The following FAM91A1 variants were observed in gnomAD, a reference collection of about 807,000 sequenced individuals.
FAM91A1 encodes protein FAM91A1.
FAM91A1 carries 41 observed loss-of-function variants against 113.5 expected under a neutral mutation model. The ratio of observed to expected loss-of-function variants is 0.36; its 90% CI spans 0.28 to 0.47. The LOEUF (loss-of-function observed/expected upper bound fraction) is 0.47. Ranked by LOEUF, FAM91A1 falls within the 20% of genes least tolerant of loss-of-function variation. FAM91A1 has a pLI of 1.00. For synonymous variants in FAM91A1, 307 were observed against 347.9 expected, an observed-to-expected ratio of 0.88 and a Z score of 1.31; for missense variants, 696 against 1,001.2, an observed-to-expected ratio of 0.70 and a Z score of 4.11.
At chr8:123,786,002 A>G (rs368720148) in intron 11 of FAM91A1, 4 of 437,544 alleles carry the variant, frequency 9.1e-6, no homozygotes, top group East Asian at 7.4e-5. Flanking sequence ...TGTTTCTGTT[A>G]GAGGTGGGGT....
chr8:123,789,552 A>G, intron 14 of FAM91A1, 61 bp from the exon 15 acceptor site: 1 of 1,605,354 alleles, frequency 6.2e-7, no homozygotes, highest in Non-Finnish European at 8.5e-7. Context: ...TTATATGATT[A>G]TTAGAGTGAA....
chr8:123,777,209 CAT>C, intron 3 of FAM91A1, 54 bp from the exon 4 acceptor site: 1 of 1,154,676 alleles, frequency 8.7e-7, no homozygotes, highest in African/African-American at 1.6e-5. Flanking sequence ...TATTTATACA[CAT>C]TTTTATTTAA....
intron 14 of FAM91A1, chr8:123,788,383 T>C (rs1231389879): frequency 9.9e-6 from 4 of 402,962 alleles, no homozygotes; most frequent in Non-Finnish European, 1.3e-5. Context: ...CCTTGACTAA[T>C]ACTTTTCGTG....
intron 1 of FAM91A1, among the ~76,000 whole-genome samples, chr8:123,771,784 G>A (rs1814846274): frequency 6.6e-6 from 1 of 152,192 alleles, no homozygotes; most frequent in African/African-American, 2.4e-5. Context: ...ATTGGAGTCT[G>A]TAGGAGCAAA....
intron 15 of FAM91A1, among the ~76,000 whole-genome samples, chr8:123,794,396 C>T (rs762347489): frequency 6.6e-6 from 1 of 152,124 alleles, no homozygotes; most frequent in African/African-American, 2.4e-5. Context: ...TCAAACATAT[C>T]AAAACTTAAT....
At chr8:123,785,494 C>T (rs921381302) in intron 10 of FAM91A1, 135 bp from the exon 11 acceptor site, 2 of 661,104 alleles carry the variant, frequency 3.0e-6, no homozygotes, top group Admixed American at 3.2e-5. Context: ...AGCAGGTCTA[C>T]TGAAAATAGT....
intron 9 of FAM91A1, 77 bp downstream of exon 9, chr8:123,784,653 T>C: frequency 1.0e-6 from 1 of 1,000,274 alleles, no homozygotes; most frequent in Non-Finnish European, 1.4e-6. Context: ...TTATTTAATA[T>C]GGTAGTATCT....
chr8:123,789,330 A>C (rs923850106), intron 14 of FAM91A1, among the ~76,000 whole-genome samples: 2 of 152,094 alleles, frequency 1.3e-5, no homozygotes, highest in Non-Finnish European at 2.9e-5. Context: ...TTGTTTAAGC[A>C]CTCTATTTGA....
chr8:123,784,914 A>T, intron 9 of FAM91A1, 167 bp from the exon 10 acceptor site: 2 of 518,390 alleles, frequency 3.9e-6, no homozygotes, highest in Non-Finnish European at 6.7e-6. Context: ...TACTATAAGG[A>T]TCTTAGAGAT....
chr8:123,796,595 A>T (rs1815526096), intron 15 of FAM91A1, among the ~76,000 whole-genome samples: 1 of 151,188 alleles, frequency 6.6e-6, no homozygotes, highest in Non-Finnish European at 1.5e-5. Flanking sequence ...AGTAGCTGGG[A>T]CTATGGGTAC....
At chr8:123,781,288 G>A (rs1398601459) in intron 8 of FAM91A1, among the ~76,000 whole-genome samples, 2 of 152,068 alleles carry the variant, frequency 1.3e-5, no homozygotes, top group African/African-American at 2.4e-5. Context: ...AATATAAAGT[G>A]TCAAAAAATT....
In FAM91A1 at chr8:123,804,756, A is replaced by G. The variant is rs563357428; in HGVS notation, c.1810-511A>G. On this transcript the variant is annotated intron_variant, in intron 18 of 23. Coordinates refer to ENST00000334705, the MANE Select transcript of FAM91A1 (RefSeq NM_144963.4). ...TTTCATTTATGAACCTCCATTGAAG[A>G]TATGTCTCCTAATTTAGTTAACCAG... Among the ~76,000 whole-genome samples the G allele has an allele frequency of 4.6e-5, 7 of 152,266 alleles. No homozygotes were observed. In the East Asian group the frequency reaches 1.4e-3, roughly 29 times the overall value.
intron 23 of FAM91A1, chr8:123,810,648 G>A (rs1167571763): frequency 1.6e-5 from 7 of 427,234 alleles, no homozygotes; most frequent in South Asian, 1.5e-4. Flanking sequence ...TGGTTATAGC[G>A]CACTTCCCAA....
At position 123,808,897 on chromosome 8, in the gene FAM91A1, C is replaced by G. The variant is rs780713744; in HGVS notation, c.2142C>G (p.Ala714=). 8 of 1,608,978 alleles carry G rather than the reference C, an allele frequency of 5.0e-6. No individual in the cohort carries two copies. Among genetic ancestry groups the G allele is most frequent in the Non-Finnish European group, 6.8e-6 (8 of 1,177,804 alleles). The part of the protein sequence containing the change: ...IDSATKQTSG[A]TTEADWVPLE... ...AGTTTATGTATCCTTTCTTAGGTGC[C>G]ACAACAGAAGCAGATTGGGTTCCTC... Residue 714 remains alanine (A), a synonymous_variant, in exon 22 of 24, where the codon GCC becomes GCG. Coordinates refer to ENST00000334705, the MANE Select transcript of FAM91A1 (RefSeq NM_144963.4).
intron 23 of FAM91A1, 82 bp downstream of exon 23, chr8:123,810,433 C>G (rs764860123): frequency 8.6e-7 from 1 of 1,162,766 alleles, no homozygotes; most frequent in Non-Finnish European, 1.3e-6. Context: ...TTTTGAGTCA[C>G]CACAGCAGCA....
rs374089969 is a variant in FAM91A1 at position 123,808,288 on chromosome 8, T to A, written c.2049T>A (p.Ala683=). 2 of 1,612,732 alleles carry A rather than the reference T, an allele frequency of 1.2e-6. No individual in the cohort carries two copies. Among genetic ancestry groups the A allele is most frequent in the Admixed American group, 3.3e-5 (2 of 59,960 alleles). Residue 683 remains alanine (A), a synonymous_variant, in exon 21 of 24, where the codon GCT becomes GCA. Coordinates refer to ENST00000334705, the MANE Select transcript of FAM91A1 (RefSeq NM_144963.4). ...AATTATAAGGAGAACCTGATTTGGC[T>A]TCTGGCTCAGATGTAAATGGGAGTA... ...ASDERGEPDL[A]SGSDVNGSTE...
At chr8:123,784,784 A>G (rs1204682933) in intron 9 of FAM91A1, 11 of 431,904 alleles carry the variant, frequency 2.5e-5, no homozygotes, top group East Asian at 4.2e-5. Flanking sequence ...TTAACTTTTT[A>G]TATGACTTTT....
intron 18 of FAM91A1, among the ~76,000 whole-genome samples, chr8:123,800,422 C>T (rs1815645081): frequency 6.6e-6 from 1 of 152,068 alleles, no homozygotes; most frequent in African/African-American, 2.4e-5. Context: ...ACTATACTCA[C>T]CTATTTTCAG....
intron 4 of FAM91A1, 123 bp downstream of exon 4, chr8:123,777,445 A>C (rs1385794763): frequency 2.4e-6 from 2 of 830,430 alleles, no homozygotes; most frequent in Admixed American, 5.1e-5. Flanking sequence ...AACAGTAAGC[A>C]ACATTATCAG....
Sources: gnomAD v4.1 joint callset for allele counts (sites outside exome capture counted in the v4.1 genomes callset) on GRCh38, gnomAD v4.1.1 for gene constraint, MANE v1.5 for transcripts, NCBI Gene and HGNC (gene_info 2026-07-23, HGNC 2026-07-21) for gene names.